Variants in CACNA2D3 observed in about 807,000 individuals in gnomAD.
CACNA2D3 encodes the protein voltage-dependent calcium channel subunit alpha-2/delta-3.
Under a neutral mutation model 160.6 loss-of-function variants are expected in CACNA2D3, and 60 were observed. The observed-to-expected ratio is 0.37, with a 90% CI of 0.30 to 0.46. The LOEUF is 0.46. Ranked by LOEUF, CACNA2D3 falls within the 20% of genes least tolerant of loss-of-function variation. The pLI, the probability that CACNA2D3 is intolerant of heterozygous loss-of-function variation, is 1.00. For missense variants in CACNA2D3, 1,205 were observed against 1,365.0 expected (o/e 0.88, Z 1.85); for synonymous variants, 558 against 492.9 (o/e 1.13, Z -1.75).
intron 4 of CACNA2D3, among the ~76,000 whole-genome samples, chr3:54,475,782 A>G (rs911762651): frequency 1.1e-4 from 15 of 131,646 alleles, no homozygotes; most frequent in Non-Finnish European, 2.3e-4. Context: ...TACAAATAAC[A>G]TATCCATCTT....
intron 2 of CACNA2D3, among the ~76,000 whole-genome samples, chr3:54,241,053 C>T (rs745443441): frequency 1.3e-5 from 2 of 152,140 alleles, no homozygotes; most frequent in African/African-American, 4.8e-5. Context: ...AGTCTTTATA[C>T]TTTTGTCTAC....
At chr3:54,556,366 A>T (rs1167460096) in intron 5 of CACNA2D3, among the ~76,000 whole-genome samples, 1 of 152,146 alleles carries the variant, frequency 6.6e-6, no homozygotes, top group Non-Finnish European at 1.5e-5. Context: ...GGAGATGGAA[A>T]TAATGAGGCT....
At chr3:54,563,715 G>GA (rs1399012187) in intron 6 of CACNA2D3, among the ~76,000 whole-genome samples, 4 of 152,132 alleles carry the variant, frequency 2.6e-5, no homozygotes, top group Non-Finnish European at 5.9e-5. Context: ...AAAGAAGGGG[G>GA]AGAAAAACCC....
chr3:54,910,987 GC>G (rs1423119050), intron 27 of CACNA2D3, among the ~76,000 whole-genome samples: 4 of 152,038 alleles, frequency 2.6e-5, no homozygotes, highest in African/African-American at 9.7e-5. Flanking sequence ...CGTATCTTGT[GC>G]CCAATCCCAG....
At chr3:54,166,593 G>A (rs1700462326) in intron 2 of CACNA2D3, among the ~76,000 whole-genome samples, 1 of 151,970 alleles carries the variant, frequency 6.6e-6, no homozygotes, top group African/African-American at 2.4e-5. Context: ...AGATAATATG[G>A]GGGAAGATTT....
intron 2 of CACNA2D3, among the ~76,000 whole-genome samples, chr3:54,195,015 C>T (rs994575832): frequency 7.2e-5 from 11 of 152,196 alleles, no homozygotes; most frequent in Admixed American, 5.2e-4. Flanking sequence ...ACATGGCCAC[C>T]CATCCAACGT....
intron 35 of CACNA2D3, among the ~76,000 whole-genome samples, chr3:55,019,484 CTTTATATA>C (rs1482457105): frequency 6.6e-6 from 1 of 151,864 alleles, no homozygotes; most frequent in Non-Finnish European, 1.5e-5. Context: ...AATTTTATAA[CTTTATATA>C]TTTATACCTA....
At chr3:54,149,926 T>TCG (rs1700111698) in intron 2 of CACNA2D3, among the ~76,000 whole-genome samples, 4 of 55,176 alleles carry the variant, frequency 7.2e-5, no homozygotes, top group African/African-American at 2.5e-4. Flanking sequence ...TCTCTCTCTC[T>TCG]CTCTCCCTCC....
chr3:54,504,461 C>T (rs576105533), intron 5 of CACNA2D3, among the ~76,000 whole-genome samples: 2 of 152,138 alleles, frequency 1.3e-5, no homozygotes, highest in African/African-American at 4.8e-5. Context: ...ATATCTACCT[C>T]CTGGGGGTGG....
At chr3:54,752,913 T>C (rs911753595) in intron 12 of CACNA2D3, among the ~76,000 whole-genome samples, 2 of 150,786 alleles carry the variant, frequency 1.3e-5, no homozygotes, top group Middle Eastern at 3.2e-3. Context: ...CAGGCTGGAG[T>C]GCAGTAACGC....
chr3:54,605,109 C>T (rs2106779801), intron 9 of CACNA2D3, among the ~76,000 whole-genome samples: 1 of 152,206 alleles, frequency 6.6e-6, no homozygotes, highest in East Asian at 1.9e-4. Flanking sequence ...AATTCCTGTC[C>T]TCTGTCTTCA....
chr3:54,143,704 T>C (rs1388920458), intron 2 of CACNA2D3, among the ~76,000 whole-genome samples: 1 of 139,084 alleles, frequency 7.2e-6, no homozygotes, highest in Admixed American at 7.0e-5. Context: ...TTTCACTGTG[T>C]TAGACAGGAT....
chr3:54,954,896 C>T (rs1034066574), intron 27 of CACNA2D3, among the ~76,000 whole-genome samples: 8 of 152,124 alleles, frequency 5.3e-5, no homozygotes, highest in African/African-American at 9.7e-5. Flanking sequence ...TGAGAGGCGC[C>T]GATTAACCTC....
chr3:54,426,614 A>C (rs951630714), intron 4 of CACNA2D3, among the ~76,000 whole-genome samples: 1 of 152,248 alleles, frequency 6.6e-6, no homozygotes, highest in Non-Finnish European at 1.5e-5. Flanking sequence ...TTAATCCTTC[A>C]TAAATACCAG....
intron 9 of CACNA2D3, among the ~76,000 whole-genome samples, chr3:54,604,995 A>AGAGC (rs1559524444): frequency 6.6e-6 from 1 of 152,212 alleles, no homozygotes; most frequent in Non-Finnish European, 1.5e-5. Flanking sequence ...AATTGTCAGC[A>AGAGC]GAGCCAAGCT....
intron 11 of CACNA2D3, among the ~76,000 whole-genome samples, chr3:54,721,065 A>T (rs1339115280): frequency 6.6e-6 from 1 of 152,004 alleles, no homozygotes; most frequent in African/African-American, 2.4e-5. Flanking sequence ...GTTAGTAAAC[A>T]TTATTTTATT....
chr3:54,838,572 C>T lies in CACNA2D3; in HGVS notation c.1475C>T (p.Ser492Leu). 4 of 1,611,794 alleles carry T rather than the reference C, an allele frequency of 2.5e-6. No individual in the cohort carries two copies. Among genetic ancestry groups the T allele is most frequent in the East Asian group, 2.2e-5 (1 of 44,870 alleles). ...TTCAATGTTTATTTTCGACAGAGAT[C>T]GAAGGGCATTCTTCTGGGAGTGGTT... ...PVFSKQNETR[S>L]KGILLGVVGT... Residue 492 changes from serine (S) to leucine (L), a missense_variant, in exon 16 of 38, where the codon TCG (serine) becomes TTG (leucine). By Grantham distance (145) the Ser-to-Leu change is moderately radical. This residue lies in a region of CACNA2D3 where 911 missense variants were observed against 1,002.2 expected (regional missense o/e 0.91). Transcript: ENST00000474759.
At chr3:54,519,733 A>G (rs74902661) in intron 5 of CACNA2D3, among the ~76,000 whole-genome samples, 2,851 of 152,346 alleles carry the variant, frequency 0.019, 96 homozygotes, top group African/African-American at 0.065. Context: ...TGGATGGCCA[A>G]CTTAGCAGGA....
At chr3:54,431,621 T>G (rs1040777160) in intron 4 of CACNA2D3, among the ~76,000 whole-genome samples, 10 of 152,146 alleles carry the variant, frequency 6.6e-5, no homozygotes, top group Admixed American at 3.3e-4. Context: ...ATGGCTTTAT[T>G]TTTATTTATT....
Sources: gnomAD v4.1 joint callset for allele counts (sites outside exome capture counted in the v4.1 genomes callset) on GRCh38, gnomAD v4.1.1 for gene constraint, gnomAD v4.1.1 regional missense constraint, MANE v1.5 for transcripts, NCBI Gene and HGNC (gene_info 2026-07-23, HGNC 2026-07-21) for gene names.